NUBPL: variants seen among roughly 807,000 people sequenced by gnomAD.
NUBPL encodes iron-sulfur cluster transfer protein NUBPL.
Under a neutral mutation model 45.7 loss-of-function variants are expected in NUBPL, and 31 were observed. The observed-to-expected ratio is 0.68, with a 90% CI of 0.51 to 0.92. NUBPL has a LOEUF of 0.92. Among genes scored for constraint, NUBPL ranks in the 40% least tolerant of loss-of-function variants. The probability of loss-of-function intolerance (pLI) is 0.00; values close to 1 mark genes in which losing one functional copy is unlikely to be tolerated. For missense variants in NUBPL, 401 were observed against 398.7 expected, an observed-to-expected ratio of 1.01 and a Z score of -0.05; for synonymous variants, 144 against 140.9, an observed-to-expected ratio of 1.02 and a Z score of -0.15.
chr14:31,748,997 A>G (rs959824459), intron 6 of NUBPL, among the ~76,000 whole-genome samples: 1 of 151,976 alleles, frequency 6.6e-6, no homozygotes, highest in African/African-American at 2.4e-5. Flanking sequence ...TTCATCCTAT[A>G]CCTTTCAGTC....
chr14:31,606,542 A>G lies in NUBPL; in HGVS notation c.382+7163A>G, dbSNP rs375342187. On this transcript the variant is annotated intron_variant, in intron 4 of 10. Coordinates refer to ENST00000281081, the MANE Select transcript of NUBPL (RefSeq NM_025152.3). ...ACATGCAAGATCACATTCCTATCCA[A>G]AGCATGGAGTTCCCAAAGGGTGTAA... Among the ~76,000 whole-genome samples, 4 of 152,264 alleles carry G rather than the reference A, an allele frequency of 2.6e-5. No individual in the cohort carries two copies. The East Asian group carries it at 5.8e-4, about 22-fold the overall frequency.
chr14:31,710,051 G>A (rs2037536420), intron 6 of NUBPL, among the ~76,000 whole-genome samples: 1 of 152,190 alleles, frequency 6.6e-6, no homozygotes, highest in Non-Finnish European at 1.5e-5. Context: ...CTGCAGGATA[G>A]TATTGTAATT....
At chr14:31,789,672 A>T (rs1185450690) in intron 7 of NUBPL, among the ~76,000 whole-genome samples, 1 of 152,140 alleles carries the variant, frequency 6.6e-6, no homozygotes, top group African/African-American at 2.4e-5. Context: ...ATTACCAAAC[A>T]ATATCATTGA....
intron 4 of NUBPL, among the ~76,000 whole-genome samples, chr14:31,606,351 C>A (rs1048436177): frequency 3.3e-4 from 50 of 152,230 alleles, no homozygotes; most frequent in African/African-American, 1.2e-3. Context: ...TTTGGCCACC[C>A]AAAGTGCTGC....
intron 8 of NUBPL, among the ~76,000 whole-genome samples, chr14:31,827,081 T>G (rs1424275878): frequency 1.3e-5 from 2 of 152,194 alleles, no homozygotes; most frequent in Non-Finnish European, 2.9e-5. Flanking sequence ...ACTTTTTTCC[T>G]TCTGCCTCCT....
intron 6 of NUBPL, among the ~76,000 whole-genome samples, chr14:31,735,984 TAAATG>T (rs2139988592): frequency 6.6e-6 from 1 of 152,318 alleles, no homozygotes; most frequent in Admixed American, 6.5e-5. Flanking sequence ...ACATTATAAA[TAAATG>T]GTAACTTGTT....
rs559628496 is a variant in NUBPL, at chr14:31,626,000, G to A, written c.382+26621G>A. ...TATATTTTTAAAAAGGTAATGGAAA[G>A]ATCATGTTTATCTTTTTAATTTTGA... On this transcript the variant is annotated intron_variant, in intron 4 of 10. Coordinates refer to ENST00000281081, the MANE Select transcript of NUBPL (RefSeq NM_025152.3). 7.2e-5 allele frequency among the ~76,000 whole-genome samples: 11 copies of A among 152,126 alleles called. No homozygotes were observed. The South Asian group carries it at 2.3e-3, about 32-fold the overall frequency.
At chr14:31,827,889 G>A (rs1180966398) in intron 8 of NUBPL, among the ~76,000 whole-genome samples, 1 of 152,220 alleles carries the variant, frequency 6.6e-6, no homozygotes, top group Non-Finnish European at 1.5e-5. Context: ...TCTGAAAAGT[G>A]TAAAATAGTG....
intron 6 of NUBPL, among the ~76,000 whole-genome samples, chr14:31,784,091 C>T (rs189547018): frequency 3.9e-5 from 6 of 152,186 alleles, no homozygotes; most frequent in South Asian, 2.1e-4. Context: ...AGGCTAGGAA[C>T]GGCCATCCAG....
In NUBPL at chr14:31,792,611, A is replaced by T. The variant is rs187717217; in HGVS notation, c.607+4738A>T. 2.0e-4 allele frequency among the ~76,000 whole-genome samples: 31 copies of T among 152,276 alleles called. No homozygotes were observed. The East Asian group carries it at 2.1e-3, about 10-fold the overall frequency. ...GTATTAAAATGGATAACAATGAAAG[A>T]CTAGATTTCCTACACTGAAGTTGTA... On this transcript the variant is annotated intron_variant, in intron 7 of 10. Transcript: ENST00000281081.
chr14:31,706,888 C>A (rs1355444057), intron 6 of NUBPL, among the ~76,000 whole-genome samples: 1 of 152,146 alleles, frequency 6.6e-6, no homozygotes, highest in Non-Finnish European at 1.5e-5. Flanking sequence ...TTAATAAGAC[C>A]TCATTCAGTC....
chr14:31,766,897 G>A (rs942644643), intron 6 of NUBPL, among the ~76,000 whole-genome samples: 2 of 152,086 alleles, frequency 1.3e-5, no homozygotes, highest in Non-Finnish European at 2.9e-5. Flanking sequence ...ATTATTTTAT[G>A]TGGTACTGAA....
At chr14:31,851,101 A>C (rs1033516974) in intron 10 of NUBPL, among the ~76,000 whole-genome samples, 15 of 152,286 alleles carry the variant, frequency 9.8e-5, no homozygotes, top group Non-Finnish European at 1.6e-4. Flanking sequence ...AATAGAAATA[A>C]AATTAATCAT....
intron 4 of NUBPL, among the ~76,000 whole-genome samples, chr14:31,630,617 C>T (rs549658140): frequency 2.0e-5 from 3 of 152,206 alleles, no homozygotes; most frequent in East Asian, 3.9e-4. Flanking sequence ...CAGTTTCTGT[C>T]GTATGCATTT....
chr14:31,840,390 G>A (rs150095668), intron 8 of NUBPL, among the ~76,000 whole-genome samples: 2,880 of 152,060 alleles, frequency 0.019, 60 homozygotes, highest in African/African-American at 0.057. Context: ...TGGCTAACAC[G>A]GTGAAACCCC....
chr14:31,802,285 C>CT (rs11319950), intron 7 of NUBPL, among the ~76,000 whole-genome samples: 2 of 148,432 alleles, frequency 1.3e-5, no homozygotes, highest in African/African-American at 5.0e-5. Context: ...TCTTCTTCTT[C>CT]TTTTTTTTTT....
intron 6 of NUBPL, among the ~76,000 whole-genome samples, chr14:31,777,900 C>T (rs1566557022): frequency 6.6e-6 from 1 of 152,186 alleles, no homozygotes; most frequent in Non-Finnish European, 1.5e-5. Context: ...GCCCTGATGG[C>T]ATGAGTGGTG....
chr14:31,754,591 C>CTTTTTTTTTTTTTTT (rs59085679), intron 6 of NUBPL, among the ~76,000 whole-genome samples: 4 of 103,690 alleles, frequency 3.9e-5, no homozygotes, highest in Non-Finnish European at 5.8e-5. Flanking sequence ...AGAGGGTTTT[C>CTTTTTTTTTTTTTTT]TTTTTTTTTT....
In NUBPL at chr14:31,808,934, T is replaced by C. The variant is rs1297110224; in HGVS notation, c.608-17695T>C. 5.9e-5 allele frequency among the ~76,000 whole-genome samples: 9 copies of C among 152,264 alleles called. No individual in the cohort carries two copies. In the East Asian group the frequency reaches 1.2e-3, roughly 20 times the overall value. On this transcript the variant is annotated intron_variant, in intron 7 of 10. Transcript: ENST00000281081. ...TGGATTACGTTTATTGATTTGCATA[T>C]GTTGGACCAGCCTTGTATCCCAGGG...
Sources: gnomAD v4.1 joint callset for allele counts (sites outside exome capture counted in the v4.1 genomes callset) on GRCh38, gnomAD v4.1.1 for gene constraint, MANE v1.5 for transcripts, NCBI Gene and HGNC (gene_info 2026-07-23, HGNC 2026-07-21) for gene names.